The following WDPCP variants were observed in gnomAD, a reference collection of about 807,000 sequenced individuals.
WDPCP encodes the protein WD repeat-containing and planar cell polarity effector protein fritz homolog.
A neutral mutation model predicts 93.1 loss-of-function variants in WDPCP; 71 were observed. The observed-to-expected ratio is 0.76, with a 90% CI of 0.63 to 0.93. The LOEUF is 0.93. Ranked by LOEUF, WDPCP falls within the 40% of genes least tolerant of loss-of-function variation. The pLI, the probability that WDPCP is intolerant of heterozygous loss-of-function variation, is 0.00. For synonymous variants in WDPCP, 315 were observed against 315.0 expected, an observed-to-expected ratio of 1.00 and a Z score of 0.00; for missense variants, 844 against 887.4, an observed-to-expected ratio of 0.95 and a Z score of 0.62.
intron 14 of WDPCP, among the ~76,000 whole-genome samples, chr2:63,203,005 A>G (rs1341501016): frequency 6.6e-6 from 1 of 152,094 alleles, no homozygotes; most frequent in Admixed American, 6.6e-5. Flanking sequence ...ATATTGTTTC[A>G]TTGTACACAC....
chr2:63,625,726 T>C (rs1397922771), intron 3 of WDPCP, among the ~76,000 whole-genome samples: 2 of 152,130 alleles, frequency 1.3e-5, no homozygotes, highest in South Asian at 2.1e-4. Flanking sequence ...TGCTCATGGA[T>C]GGGAAGAATC....
intron 1 of WDPCP, among the ~76,000 whole-genome samples, chr2:63,555,263 C>A (rs1331531774): frequency 1.3e-5 from 2 of 152,242 alleles, no homozygotes; most frequent in African/African-American, 4.8e-5. Context: ...CCTGACCCAT[C>A]CCTCCTCACT....
At chr2:63,615,246 C>G (rs917001908) in intron 3 of WDPCP, among the ~76,000 whole-genome samples, 1 of 152,144 alleles carries the variant, frequency 6.6e-6, no homozygotes, top group African/African-American at 2.4e-5. Context: ...TACGGTGGAT[C>G]CCAGTAAACA....
At chr2:63,236,802 A>G (rs1679434201) in intron 14 of WDPCP, among the ~76,000 whole-genome samples, 1 of 152,060 alleles carries the variant, frequency 6.6e-6, no homozygotes, top group East Asian at 1.9e-4. Flanking sequence ...CTGGACCCCT[A>G]CCTCTCAACA....
rs566458013 is a variant in WDPCP at position 63,536,123 on chromosome 2, C to G, written c.76-43183G>C. ...AGACACATGAAAATATGCTTATCAT[C>G]ACTGGCCATCAGAGAAATGCAAATC... On this transcript the variant is annotated intron_variant, in intron 1 of 17. Transcript: ENST00000272321. Among the ~76,000 whole-genome samples the G allele has an allele frequency of 3.0e-4, 45 of 152,344 alleles. 3 individuals carry two copies. The highest frequency in any genetic ancestry group is 2.9e-3 in the East Asian group (15 of 5,192).
chr2:63,765,414 G>A (rs950096852), intron 2 of WDPCP, among the ~76,000 whole-genome samples: 1 of 152,174 alleles, frequency 6.6e-6, no homozygotes, highest in African/African-American at 2.4e-5. Flanking sequence ...GAAGGAGCTG[G>A]CTACTTCCCT....
intron 4 of WDPCP, among the ~76,000 whole-genome samples, chr2:63,485,362 T>TA (rs5831663): frequency 1.1e-3 from 138 of 125,968 alleles, no homozygotes; most frequent in Admixed American, 1.4e-3. Context: ...TACTCAGACC[T>TA]AAAAAAAAAA....
At chr2:63,540,175 T>G (rs1704601267) in intron 1 of WDPCP, among the ~76,000 whole-genome samples, 1 of 152,208 alleles carries the variant, frequency 6.6e-6, no homozygotes, top group African/African-American at 2.4e-5. Context: ...CTAATTATTT[T>G]TATAAACAAT....
At position 63,189,042 on chromosome 2, in the gene WDPCP, T is replaced by C. The variant is rs1674845436; in HGVS notation, c.1916-14210A>G. 2.0e-5 allele frequency among the ~76,000 whole-genome samples: 3 copies of C among 152,194 alleles called. No individual in the cohort carries two copies. In the South Asian group the frequency reaches 6.2e-4, roughly 31 times the overall value. On this transcript the variant is annotated intron_variant, in intron 14 of 17. Coordinates refer to ENST00000272321, the MANE Select transcript of WDPCP (RefSeq NM_015910.7). ...GGGTTGTATGTTTACTTTTAGTGTATCTGGGTGCTTCTGACTGTCTTCTTT... is the reference window on the plus strand; with the variant it reads ...GGGTTGTATGTTTACTTTTAGTGTACCTGGGTGCTTCTGACTGTCTTCTTT...
At chr2:63,753,977 G>A (rs1315303203) in intron 2 of WDPCP, among the ~76,000 whole-genome samples, 4 of 152,222 alleles carry the variant, frequency 2.6e-5, no homozygotes, top group Admixed American at 2.0e-4. Flanking sequence ...AAACCTGTAA[G>A]TGAAGGAGAG....
chr2:63,554,512 G>A (rs1705926831), intron 1 of WDPCP, among the ~76,000 whole-genome samples: 1 of 152,068 alleles, frequency 6.6e-6, no homozygotes, highest in South Asian at 2.1e-4. Context: ...AATTAGCTGG[G>A]TATGATGGCA....
chr2:63,409,152 C>T (rs2105244423), intron 9 of WDPCP, among the ~76,000 whole-genome samples: 2 of 152,294 alleles, frequency 1.3e-5, no homozygotes, highest in South Asian at 2.1e-4. Context: ...CCACTGCATC[C>T]CCCACCACCT....
chr2:63,813,918 A>T (rs1043397213), intron 1 of WDPCP, among the ~76,000 whole-genome samples: 6 of 152,254 alleles, frequency 3.9e-5, no homozygotes, highest in Non-Finnish European at 5.9e-5. Context: ...ATGTTTTCTA[A>T]TAAATACCAA....
intron 6 of WDPCP, among the ~76,000 whole-genome samples, chr2:63,467,435 G>A (rs1699412203): frequency 6.6e-6 from 1 of 151,770 alleles, no homozygotes; most frequent in South Asian, 2.1e-4. Context: ...AGCCGAGATT[G>A]CACTCCATCC....
chr2:63,187,496 G>T (rs1674724533), intron 14 of WDPCP, among the ~76,000 whole-genome samples: 1 of 152,004 alleles, frequency 6.6e-6, no homozygotes, highest in Non-Finnish European at 1.5e-5. Flanking sequence ...TGTGTGCATT[G>T]TATGGATATT....
chr2:63,603,580 A>T (rs1040612114), intron 3 of WDPCP, among the ~76,000 whole-genome samples: 1 of 152,026 alleles, frequency 6.6e-6, no homozygotes, highest in African/African-American at 2.4e-5. Context: ...ACCTGATCAT[A>T]ATTTATTTTC....
chr2:63,135,659 C>G (rs1434817686), intron 17 of WDPCP, among the ~76,000 whole-genome samples: 1 of 152,194 alleles, frequency 6.6e-6, no homozygotes, highest in Non-Finnish European at 1.5e-5. Flanking sequence ...TAATAAAATT[C>G]TCATAATTAT....
intron 17 of WDPCP, among the ~76,000 whole-genome samples, chr2:63,143,351 G>C (rs1200459136): frequency 2.6e-5 from 4 of 152,104 alleles, no homozygotes; most frequent in Non-Finnish European, 4.4e-5. Flanking sequence ...GCAGAGAGTT[G>C]GTTGGTGAGT....
intron 1 of WDPCP, among the ~76,000 whole-genome samples, chr2:63,817,027 T>C (rs1463708717): frequency 1.3e-5 from 2 of 152,116 alleles, no homozygotes; most frequent in Non-Finnish European, 2.9e-5. Context: ...AATGGAAATA[T>C]TCTATATCTT....
Sources: allele counts gnomAD v4.1 joint callset (sites outside exome capture counted in the v4.1 genomes callset), GRCh38; gene constraint gnomAD v4.1.1; transcripts MANE v1.5; gene names NCBI Gene and HGNC (gene_info 2026-07-23, HGNC 2026-07-21).